Variants in ZMIZ1 observed in about 807,000 individuals in gnomAD.
The protein encoded by ZMIZ1 is zinc finger MIZ domain-containing protein 1.
ZMIZ1 carries 17 observed loss-of-function variants against 113.9 expected under a neutral mutation model. The ratio of observed to expected loss-of-function variants is 0.15; its 90% CI spans 0.10 to 0.22. The LOEUF (loss-of-function observed/expected upper bound fraction) is 0.22, where lower values mean the gene tolerates loss of function less well. Ranked by LOEUF, ZMIZ1 falls within the 10% of genes least tolerant of loss-of-function variation. The probability of loss-of-function intolerance (pLI) is 1.00; values close to 1 mark genes in which losing one functional copy is unlikely to be tolerated. For synonymous variants in ZMIZ1, 607 were observed against 603.1 expected (o/e 1.01, Z -0.09); for missense variants, 1,059 against 1,477.8 (o/e 0.72, Z 4.65).
intron 5 of ZMIZ1, among the ~76,000 whole-genome samples, 157 bp from the exon 6 acceptor site, chr10:79,208,179 G>A (rs1848409194): frequency 6.6e-6 from 1 of 150,650 alleles, no homozygotes; most frequent in African/African-American, 2.5e-5. Context: ...GTGTGAAATC[G>A]AGCATGAGGA....
At chr10:79,261,462 G>A (rs754518972) in intron 7 of ZMIZ1, among the ~76,000 whole-genome samples, 5 of 152,262 alleles carry the variant, frequency 3.3e-5, no homozygotes, top group Middle Eastern at 3.4e-3. Context: ...AACAAATGAC[G>A]GCTCCCTCCC....
intron 7 of ZMIZ1, among the ~76,000 whole-genome samples, chr10:79,245,959 G>A (rs1850167360): frequency 6.6e-6 from 1 of 152,222 alleles, no homozygotes; most frequent in African/African-American, 2.4e-5. Flanking sequence ...CTGTCCAGGA[G>A]GATAGACTTA....
At chr10:79,206,818 G>A (rs1279269639) in intron 5 of ZMIZ1, among the ~76,000 whole-genome samples, 1 of 152,206 alleles carries the variant, frequency 6.6e-6, no homozygotes, top group Non-Finnish European at 1.5e-5. Context: ...CTTTGTTGCT[G>A]CTTGCCTGCC....
intron 1 of ZMIZ1, among the ~76,000 whole-genome samples, chr10:79,116,977 C>T (rs959703146): frequency 6.6e-6 from 1 of 152,260 alleles, no homozygotes; most frequent in African/African-American, 2.4e-5. Flanking sequence ...GACTTCTCCT[C>T]CTGATTCGCT....
intron 24 of ZMIZ1, 106 bp downstream of exon 24, chr10:79,311,290 T>TGGTGGG: frequency 9.7e-6 from 1 of 102,696 alleles, no homozygotes; most frequent in Non-Finnish European, 1.8e-5. Flanking sequence ...AGGGAGGAGG[T>TGGTGGG]GGGTGGGCGG....
chr10:79,290,377 T>C (rs1016697236), intron 9 of ZMIZ1, among the ~76,000 whole-genome samples: 1 of 152,008 alleles, frequency 6.6e-6, no homozygotes, highest in Non-Finnish European at 1.5e-5. Flanking sequence ...AGTCAGGGAG[T>C]CTCCCACCTG....
rs188247831 is a variant in ZMIZ1 at position 79,075,025 on chromosome 10, T to C, written c.-337+5755T>C. Among the ~76,000 whole-genome samples the C allele has an allele frequency of 7.4e-3, 1,130 of 152,356 alleles. 15 individuals carry two copies. The highest frequency in any genetic ancestry group is 7.0e-3 in the Non-Finnish European group (479 of 68,036). ...TCCCCTAATCCTGTTAGTCTGGCTGTAATTGTAACCACTTGAAGGTTTCGG... is the reference window on the plus strand; with the variant it reads ...TCCCCTAATCCTGTTAGTCTGGCTGCAATTGTAACCACTTGAAGGTTTCGG... On this transcript the variant is annotated intron_variant, in intron 1 of 24. Transcript: ENST00000334512.
intron 9 of ZMIZ1, 40 bp from the exon 10 acceptor site, chr10:79,290,919 C>T (rs375480597): frequency 1.0e-5 from 16 of 1,603,490 alleles, no homozygotes; most frequent in Admixed American, 1.7e-5. Flanking sequence ...CACACTGCCT[C>T]GGGTAGCACC....
intron 4 of ZMIZ1, among the ~76,000 whole-genome samples, chr10:79,175,097 G>A (rs575402961): frequency 1.3e-5 from 2 of 152,186 alleles, no homozygotes; most frequent in African/African-American, 2.4e-5. Flanking sequence ...GGGGGTCCTC[G>A]CAAGGAGCCA....
At chr10:79,079,782 C>G (rs894047964) in intron 1 of ZMIZ1, among the ~76,000 whole-genome samples, 2 of 152,240 alleles carry the variant, frequency 1.3e-5, no homozygotes, top group African/African-American at 4.8e-5. Context: ...AGAGCTGGCA[C>G]TGGGGTGAAG....
At position 79,189,556 on chromosome 10, in the gene ZMIZ1, A is replaced by G. The variant is rs1293092265; in HGVS notation, c.-49-12028A>G. Among the ~76,000 whole-genome samples, 4 of 152,230 alleles carry G rather than the reference A, an allele frequency of 2.6e-5. No individual in the cohort carries two copies. The East Asian group carries it at 7.7e-4, about 29-fold the overall frequency. ...GAGGGACCTGAGGCATACTGAGGCTAGCATTGTGCCCCAGGGCACAGAAGC... is the reference window on the plus strand; with the variant it reads ...GAGGGACCTGAGGCATACTGAGGCTGGCATTGTGCCCCAGGGCACAGAAGC... On this transcript the variant is annotated intron_variant, in intron 4 of 24. Coordinates refer to ENST00000334512, the MANE Select transcript of ZMIZ1 (RefSeq NM_020338.4).
chr10:79,243,762 G>A, intron 7 of ZMIZ1: 1 of 237,608 alleles, frequency 4.2e-6, no homozygotes. Context: ...CGGAGGGGTC[G>A]GCGCCTGGGC....
intron 2 of ZMIZ1, among the ~76,000 whole-genome samples, chr10:79,135,523 TC>T (rs1844962292): frequency 6.6e-6 from 1 of 152,242 alleles, no homozygotes. Context: ...TGCACCTGTT[TC>T]CCCTGGCATT....
At chr10:79,185,983 C>T (rs1224144421) in intron 4 of ZMIZ1, among the ~76,000 whole-genome samples, 1 of 151,996 alleles carries the variant, frequency 6.6e-6, no homozygotes, top group African/African-American at 2.4e-5. Flanking sequence ...CCCGATGACC[C>T]CAAGAGTTAC....
At chr10:79,192,420 G>T (rs1040236941) in intron 4 of ZMIZ1, among the ~76,000 whole-genome samples, 4 of 152,254 alleles carry the variant, frequency 2.6e-5, no homozygotes, top group African/African-American at 9.6e-5. Flanking sequence ...CCACTAGCCA[G>T]CATTGACAAT....
intron 1 of ZMIZ1, among the ~76,000 whole-genome samples, chr10:79,108,411 C>T (rs1332892400): frequency 3.9e-5 from 6 of 152,170 alleles, no homozygotes; most frequent in Admixed American, 3.9e-4. Flanking sequence ...ACCCCACCCA[C>T]CCATACCTAG....
At chr10:79,208,134 T>TC (rs1554816920) in intron 5 of ZMIZ1, among the ~76,000 whole-genome samples, 1 of 14,974 alleles carries the variant, frequency 6.7e-5, no homozygotes, top group African/African-American at 2.3e-4. Context: ...GAGGTGGGGG[T>TC]GGGGGGGGGT....
intron 4 of ZMIZ1, among the ~76,000 whole-genome samples, chr10:79,165,257 T>C (rs1658319): frequency 0.8 from 121,817 of 152,098 alleles, 49,230 homozygotes; most frequent in African/African-American, 0.88. Context: ...CTCCCCTGCC[T>C]GGGTGAGCTC....
At chr10:79,090,644 G>A (rs1409294031) in intron 1 of ZMIZ1, among the ~76,000 whole-genome samples, 1 of 152,224 alleles carries the variant, frequency 6.6e-6, no homozygotes, top group Non-Finnish European at 1.5e-5. Flanking sequence ...TAGTGGCTGG[G>A]ACTACTAGGC....
Sources: gnomAD v4.1 joint callset for allele counts (sites outside exome capture counted in the v4.1 genomes callset) on GRCh38, gnomAD v4.1.1 for gene constraint, MANE v1.5 for transcripts, NCBI Gene and HGNC (gene_info 2026-07-23, HGNC 2026-07-21) for gene names.